LRRC37A2: variants seen among roughly 807,000 people sequenced by gnomAD.
LRRC37A2 encodes leucine-rich repeat-containing protein 37A2.
LRRC37A2 carries 9 observed loss-of-function variants against 68.8 expected under a neutral mutation model. The observed-to-expected ratio is 0.13, with a 90% CI of 0.08 to 0.23. LRRC37A2 has a LOEUF of 0.23. Ranked by LOEUF, LRRC37A2 falls within the 10% of genes least tolerant of loss-of-function variation. LRRC37A2 has a pLI of 1.00. For synonymous variants in LRRC37A2, 63 were observed against 367.6 expected (o/e 0.17, Z 9.48); for missense variants, 168 against 950.4 (o/e 0.18, Z 10.82).
At chr17:47,002,451 C>T in the LRRC37A2 span, among the ~76,000 whole-genome samples, 3 of 151,410 alleles carry the variant, frequency 2.0e-5, no homozygotes, top group East Asian at 1.9e-4. Context: ...AGTGCAATGG[C>T]GCTATCTTGG....
chr17:46,761,253 C>T, the LRRC37A2 span, among the ~76,000 whole-genome samples: 1 of 151,800 alleles, frequency 6.6e-6, no homozygotes, highest in African/African-American at 2.4e-5. Context: ...AACCTCAGGT[C>T]ACAGGTCTGA....
chr17:46,884,073 G>A, the LRRC37A2 span, among the ~76,000 whole-genome samples: 1 of 152,114 alleles, frequency 6.6e-6, no homozygotes, highest in African/African-American at 2.4e-5. Context: ...ACCTGACCCA[G>A]CGTCCGAATT....
At chr17:46,972,111 G>A in the LRRC37A2 span, among the ~76,000 whole-genome samples, 12 of 152,054 alleles carry the variant, frequency 7.9e-5, no homozygotes, top group African/African-American at 2.7e-4. Flanking sequence ...AGAGACACCC[G>A]GAGGGGACAG....
chr17:46,609,194 CT>C, the LRRC37A2 span, among the ~76,000 whole-genome samples: 1 of 148,152 alleles, frequency 6.7e-6, no homozygotes, highest in Admixed American at 6.6e-5. Flanking sequence ...GTTGGTTACC[CT>C]GGGTGTGTTC....
the LRRC37A2 span, chr17:46,978,395 A>AAC: frequency 4.6e-3 from 2,308 of 499,710 alleles, 24 homozygotes; most frequent in Middle Eastern, 9.1e-3. Context: ...CAAACAAACA[A>AAC]AAAAAACTGG....
chr17:46,529,435 G>A (rs1468331845), intron 6 of LRRC37A2, among the ~76,000 whole-genome samples: 5 of 107,888 alleles, frequency 4.6e-5, no homozygotes, highest in Non-Finnish European at 1.1e-4. Context: ...GCGATGGACT[G>A]GGAGTCAGTG....
the LRRC37A2 span, among the ~76,000 whole-genome samples, chr17:46,896,337 G>C: frequency 6.8e-6 from 1 of 148,068 alleles, no homozygotes; most frequent in Non-Finnish European, 1.5e-5. Context: ...GAAAGAGAGA[G>C]AGAGAAAGAA....
At chr17:46,721,927 T>C in the LRRC37A2 span, 1 of 1,592,858 alleles carries the variant, frequency 6.3e-7, no homozygotes, top group African/African-American at 1.3e-5. Context: ...CCAATTCGCG[T>C]ACTAGCCGGA....
chr17:46,866,867 G>T, the LRRC37A2 span, among the ~76,000 whole-genome samples: 33 of 152,150 alleles, frequency 2.2e-4, no homozygotes, highest in Non-Finnish European at 4.1e-4. Flanking sequence ...GGGAGTAGGT[G>T]GAAGAACAGG....
chr17:46,906,233 AG>A, the LRRC37A2 span, among the ~76,000 whole-genome samples: 222 of 152,228 alleles, frequency 1.5e-3, no homozygotes, highest in African/African-American at 5.0e-3. Context: ...GGCTGAGTCA[AG>A]GCCTTCACCC....
chr17:46,496,552 G>A, the LRRC37A2 span, among the ~76,000 whole-genome samples: 1,275 of 143,692 alleles, frequency 8.9e-3, 26 homozygotes, highest in Non-Finnish European at 0.015. Context: ...GCAGTGAGCC[G>A]AGATCACGCC....
chr17:46,811,744 C>G, the LRRC37A2 span, among the ~76,000 whole-genome samples: 3 of 152,150 alleles, frequency 2.0e-5, no homozygotes, highest in Non-Finnish European at 2.9e-5. Flanking sequence ...TACCTGAGGT[C>G]GGGAGTTCGA....
chr17:46,783,593 A>C, the LRRC37A2 span, among the ~76,000 whole-genome samples: 1 of 152,190 alleles, frequency 6.6e-6, no homozygotes, highest in Admixed American at 6.5e-5. Flanking sequence ...GTCCCAAGGC[A>C]CTTGTAACTT....
At chr17:47,005,954 CTT>C in the LRRC37A2 span, among the ~76,000 whole-genome samples, 3 of 152,184 alleles carry the variant, frequency 2.0e-5, no homozygotes, top group African/African-American at 7.2e-5. Context: ...ATTTAAAAAT[CTT>C]TTTAATTTAT....
the LRRC37A2 span, chr17:46,932,227 C>A: frequency 6.2e-7 from 1 of 1,613,502 alleles, no homozygotes; most frequent in South Asian, 1.1e-5. Context: ...TGAGGGTCGG[C>A]CTGCACTTGA....
chr17:46,969,244 AC>A, the LRRC37A2 span, among the ~76,000 whole-genome samples: 2 of 152,102 alleles, frequency 1.3e-5, no homozygotes, highest in Non-Finnish European at 2.9e-5. Context: ...CAAGGGGAAC[AC>A]TCTAGCTGCC....
At chr17:46,749,855 C>A in the LRRC37A2 span, 1 of 1,614,150 alleles carries the variant, frequency 6.2e-7, no homozygotes, top group Non-Finnish European at 8.5e-7. Flanking sequence ...TTCAGCACCA[C>A]CATCCACGTG....
At chr17:47,034,840 G>A in the LRRC37A2 span, among the ~76,000 whole-genome samples, 15 of 152,030 alleles carry the variant, frequency 9.9e-5, no homozygotes, top group Non-Finnish European at 2.1e-4. Context: ...AAAAAATCAC[G>A]AAGGATATTT....
At chr17:46,553,060 G>A (rs1467972984) in intron 11 of LRRC37A2, among the ~76,000 whole-genome samples, 12 of 143,912 alleles carry the variant, frequency 8.3e-5, no homozygotes, top group Non-Finnish European at 1.3e-4. Context: ...GCACTCCAGC[G>A]TAAGCAACAG....
Sources: gnomAD v4.1 joint callset for allele counts (sites outside exome capture counted in the v4.1 genomes callset) on GRCh38, gnomAD v4.1.1 for gene constraint, MANE v1.5 for transcripts, NCBI Gene and HGNC (gene_info 2026-07-23, HGNC 2026-07-21) for gene names.